The following CACNA2D2 variants were observed in gnomAD, a reference collection of about 807,000 sequenced individuals.
CACNA2D2 encodes calcium voltage-gated channel auxiliary subunit alpha2delta 2.
CACNA2D2 carries 48 observed loss-of-function variants against 166.4 expected under a neutral mutation model. The ratio of observed to expected loss-of-function variants is 0.29; its 90% CI spans 0.23 to 0.37. The LOEUF (loss-of-function observed/expected upper bound fraction) is 0.37. Ranked by LOEUF, CACNA2D2 falls within the 10% of genes least tolerant of loss-of-function variation. CACNA2D2 has a pLI of 1.00. For missense variants in CACNA2D2, 1,122 were observed against 1,433.0 expected (o/e 0.78, Z 3.50); for synonymous variants, 561 against 573.7 (o/e 0.98, Z 0.32).
At chr3:50,452,784 G>A (rs889740431) in intron 2 of CACNA2D2, among the ~76,000 whole-genome samples, 15 of 152,170 alleles carry the variant, frequency 9.9e-5, no homozygotes, top group Admixed American at 8.5e-4. Context: ...ATCCTCAGGG[G>A]GTTATAGTTT....
At chr3:50,484,333 C>T (rs754416090) in intron 1 of CACNA2D2, among the ~76,000 whole-genome samples, 5 of 152,176 alleles carry the variant, frequency 3.3e-5, no homozygotes, top group Non-Finnish European at 7.3e-5. Context: ...CGGCTTCCAC[C>T]TTCTGCCTGG....
chr3:50,414,254 C>A (rs1025760336), intron 3 of CACNA2D2, among the ~76,000 whole-genome samples: 1 of 152,132 alleles, frequency 6.6e-6, no homozygotes, highest in East Asian at 1.9e-4. Flanking sequence ...AGCCACCGAG[C>A]CACATACCCG....
At chr3:50,493,796 C>T (rs774929460) in intron 1 of CACNA2D2, among the ~76,000 whole-genome samples, 82 of 152,316 alleles carry the variant, frequency 5.4e-4, no homozygotes, top group Non-Finnish European at 8.5e-4. Flanking sequence ...AGGAGGGACT[C>T]ACAAAGGGCA....
intron 1 of CACNA2D2, among the ~76,000 whole-genome samples, chr3:50,501,427 T>C (rs1259034781): frequency 7.6e-6 from 1 of 131,908 alleles, no homozygotes; most frequent in Admixed American, 8.3e-5. Flanking sequence ...GCAAGACATG[T>C]CCCAAACCCC....
chr3:50,405,245 G>A (rs1008348133), intron 3 of CACNA2D2, among the ~76,000 whole-genome samples: 4 of 152,144 alleles, frequency 2.6e-5, no homozygotes, highest in Non-Finnish European at 5.9e-5. Context: ...GGGGGTGGAG[G>A]GTAGTGGAGA....
chr3:50,391,430 G>A (rs1029805649), intron 4 of CACNA2D2, among the ~76,000 whole-genome samples: 2 of 152,216 alleles, frequency 1.3e-5, no homozygotes, highest in Non-Finnish European at 1.5e-5. Context: ...AGTGTGGTCC[G>A]GCAGGTGGCC....
intron 1 of CACNA2D2, among the ~76,000 whole-genome samples, chr3:50,493,822 G>T (rs1221658131): frequency 3.3e-5 from 5 of 152,214 alleles, no homozygotes; most frequent in African/African-American, 1.2e-4. Context: ...CCGGAGGAGG[G>T]TGTTGGTCAG....
chr3:50,418,015 G>A (rs1707347454), intron 3 of CACNA2D2, among the ~76,000 whole-genome samples: 1 of 152,146 alleles, frequency 6.6e-6, no homozygotes, highest in African/African-American at 2.4e-5. Context: ...TATCAGGTTT[G>A]GAAATTAATG....
At position 50,415,373 on chromosome 3, in the gene CACNA2D2, C is replaced by T. The variant is rs557648216; in HGVS notation, c.405+18940G>A. On this transcript the variant is annotated intron_variant, in intron 3 of 37. Transcript: ENST00000424201. Reference sequence around the variant, plus strand: ...TGTCAATACAATTATACTCTGGAAACAGGAGTCCTGGAGACTTGAGTTCCA... The same window carrying T: ...TGTCAATACAATTATACTCTGGAAATAGGAGTCCTGGAGACTTGAGTTCCA... Among the ~76,000 whole-genome samples, 163 of 152,326 alleles carry T rather than the reference C, an allele frequency of 1.1e-3. 5 individuals are homozygous for T. The South Asian group carries it at 0.033, about 31-fold the overall frequency.
At chr3:50,447,104 G>A (rs189850646) in intron 2 of CACNA2D2, among the ~76,000 whole-genome samples, 93 of 152,324 alleles carry the variant, frequency 6.1e-4, no homozygotes, top group African/African-American at 2.2e-3. Flanking sequence ...GGAGCAGCAT[G>A]CAAAGGTGAA....
intron 3 of CACNA2D2, among the ~76,000 whole-genome samples, chr3:50,428,621 G>A (rs963874165): frequency 6.6e-5 from 10 of 152,170 alleles, no homozygotes; most frequent in African/African-American, 2.4e-4. Context: ...AATGCCCACT[G>A]GAGCCCCTAG....
chr3:50,403,310 A>C (rs1706540047), intron 3 of CACNA2D2, among the ~76,000 whole-genome samples: 1 of 152,104 alleles, frequency 6.6e-6, no homozygotes, highest in African/African-American at 2.4e-5. Context: ...ACCTCACTCC[A>C]GGGGCCTCCT....
intron 3 of CACNA2D2, among the ~76,000 whole-genome samples, chr3:50,402,573 AC>A (rs1227700808): frequency 6.6e-6 from 1 of 152,142 alleles, no homozygotes; most frequent in Non-Finnish European, 1.5e-5. Context: ...ATATGAAGGC[AC>A]CTCACCCTCA....
At chr3:50,461,631 C>T (rs1709583957) in intron 2 of CACNA2D2, among the ~76,000 whole-genome samples, 1 of 151,218 alleles carries the variant, frequency 6.6e-6, no homozygotes, top group South Asian at 2.1e-4. Context: ...CGTGGCGGCG[C>T]AGATCTGTAA....
intron 1 of CACNA2D2, among the ~76,000 whole-genome samples, chr3:50,484,426 C>A (rs1240129146): frequency 6.6e-6 from 1 of 152,178 alleles, no homozygotes; most frequent in Non-Finnish European, 1.5e-5. Context: ...CTCCGTCGCA[C>A]TAAGAGAAAA....
intron 2 of CACNA2D2, among the ~76,000 whole-genome samples, chr3:50,440,853 C>G (rs552617472): frequency 6.6e-6 from 1 of 152,186 alleles, no homozygotes; most frequent in South Asian, 2.1e-4. Flanking sequence ...GGGAGTGGGG[C>G]TGGCCTGCTC....
At position 50,409,531 on chromosome 3, in the gene CACNA2D2, G is replaced by A. The variant is rs190283636; in HGVS notation, c.406-15363C>T. On this transcript the variant is annotated intron_variant, in intron 3 of 37. Coordinates refer to ENST00000424201, the MANE Select transcript of CACNA2D2 (RefSeq NM_006030.4). ...CTGTGCTGCACACGGAGCTGTCATC[G>A]TGGGCGATGCCACTGAGCACTTGCT... Among the ~76,000 whole-genome samples, 146 of 152,382 alleles carry A rather than the reference G, an allele frequency of 9.6e-4. 1 individual carries two copies. The highest frequency in any genetic ancestry group is 1.8e-3 in the Non-Finnish European group (121 of 68,034).
rs1308448051 is a variant in CACNA2D2, at chr3:50,375,280, C to A, written c.1907+364G>T. ...TGGGCTGGCATGGGCTGTGAGGATGCCCCGGCATTTCAGGATGGACTAGCT... is the reference window on the plus strand; with the variant it reads ...TGGGCTGGCATGGGCTGTGAGGATGACCCGGCATTTCAGGATGGACTAGCT... On this transcript the variant is annotated intron_variant, in intron 21 of 37. Coordinates refer to ENST00000424201, the MANE Select transcript of CACNA2D2 (RefSeq NM_006030.4). The surrounding 1 kb of genome is among the most constrained non-coding windows in gnomAD (Gnocchi z 4.0). Among the ~76,000 whole-genome samples the A allele has an allele frequency of 6.6e-6, 1 of 152,114 alleles. No individual in the cohort carries two copies. Among genetic ancestry groups the A allele is most frequent in the Non-Finnish European group, 1.5e-5 (1 of 68,020 alleles).
intron 2 of CACNA2D2, among the ~76,000 whole-genome samples, chr3:50,438,508 G>C (rs1302712556): frequency 6.6e-6 from 1 of 152,168 alleles, no homozygotes; most frequent in Non-Finnish European, 1.5e-5. Context: ...CCGTGTAAGT[G>C]GGAGGCGAGC....
Sources: gnomAD v4.1 joint callset for allele counts (sites outside exome capture counted in the v4.1 genomes callset) on GRCh38, gnomAD v4.1.1 for gene constraint, Gnocchi (gnomAD v3.1) non-coding constraint, MANE v1.5 for transcripts, NCBI Gene and HGNC (gene_info 2026-07-23, HGNC 2026-07-21) for gene names.